The following DOCK3 variants were observed in gnomAD, a reference collection of about 807,000 sequenced individuals.
DOCK3 encodes dedicator of cytokinesis 3.
In DOCK3, 60 loss-of-function variants were observed where a neutral mutation model predicts 265.6. The observed-to-expected ratio is 0.23, with a 90% CI of 0.18 to 0.28. The LOEUF (loss-of-function observed/expected upper bound fraction) is 0.28, where lower values mean the gene tolerates loss of function less well. Among genes scored for constraint, DOCK3 ranks in the 10% least tolerant of loss-of-function variants. DOCK3 has a pLI of 1.00. For synonymous variants in DOCK3, 881 were observed against 938.0 expected (o/e 0.94, Z 1.11); for missense variants, 1,981 against 2,594.3 (o/e 0.76, Z 5.14).
chr3:50,939,206 G>C (rs1402803686), intron 5 of DOCK3, among the ~76,000 whole-genome samples: 1 of 152,062 alleles, frequency 6.6e-6, no homozygotes, highest in African/African-American at 2.4e-5. Context: ...ACCATAAATT[G>C]TCAAAACTCA....
At chr3:50,982,505 T>G (rs13321558) in intron 5 of DOCK3, among the ~76,000 whole-genome samples, 8 of 152,110 alleles carry the variant, frequency 5.3e-5, no homozygotes, top group African/African-American at 1.9e-4. Flanking sequence ...GTGGGACCCC[T>G]GTGCCTCATG....
At chr3:50,746,109 A>ATTT (rs562706919) in intron 1 of DOCK3, among the ~76,000 whole-genome samples, 17 of 135,456 alleles carry the variant, frequency 1.3e-4, no homozygotes, top group Non-Finnish European at 1.7e-4. Context: ...ATGATGTCTA[A>ATTT]TTTTTTTTTT....
chr3:51,317,243 G>A (rs528286433), intron 32 of DOCK3, among the ~76,000 whole-genome samples: 2 of 149,194 alleles, frequency 1.3e-5, no homozygotes, highest in South Asian at 4.2e-4. Context: ...TTGTCTTTCT[G>A]CCTTGGTCAA....
At chr3:50,828,316 A>G (rs916750346) in intron 2 of DOCK3, among the ~76,000 whole-genome samples, 10 of 151,976 alleles carry the variant, frequency 6.6e-5, no homozygotes, top group African/African-American at 2.4e-4. Flanking sequence ...ATTTAACTAC[A>G]TTTGTCCCTC....
At chr3:50,712,494 C>A (rs185571504) in intron 1 of DOCK3, among the ~76,000 whole-genome samples, 1 of 152,118 alleles carries the variant, frequency 6.6e-6, no homozygotes, top group Admixed American at 6.6e-5. Context: ...CCTTCCACCA[C>A]GCCTGGCTAA....
chr3:51,025,917 A>G (rs1044960507), intron 5 of DOCK3, among the ~76,000 whole-genome samples: 2 of 151,354 alleles, frequency 1.3e-5, no homozygotes, highest in Non-Finnish European at 2.9e-5. Context: ...TCAGAGGCAG[A>G]CTCTCCCCTT....
At chr3:51,371,504 G>A (rs1380593059) in intron 49 of DOCK3, among the ~76,000 whole-genome samples, 3 of 152,200 alleles carry the variant, frequency 2.0e-5, no homozygotes, top group Non-Finnish European at 4.4e-5. Flanking sequence ...GGGTCTGTGT[G>A]ACATGGCATC....
intron 2 of DOCK3, among the ~76,000 whole-genome samples, chr3:50,835,386 T>C (rs1298763627): frequency 6.6e-6 from 1 of 152,252 alleles, no homozygotes; most frequent in Non-Finnish European, 1.5e-5. Context: ...AAGTGCTTAT[T>C]ACCTTTAAAC....
At chr3:50,936,023 C>G (rs1208105600) in intron 5 of DOCK3, among the ~76,000 whole-genome samples, 1 of 152,046 alleles carries the variant, frequency 6.6e-6, no homozygotes, top group Non-Finnish European at 1.5e-5. Flanking sequence ...TTTTAAACAG[C>G]TTTTGTAAAA....
At chr3:51,350,001 A>T (rs553212328) in intron 39 of DOCK3, among the ~76,000 whole-genome samples, 3 of 152,274 alleles carry the variant, frequency 2.0e-5, no homozygotes, top group Non-Finnish European at 2.9e-5. Context: ...CCAGATCTCT[A>T]TAGGGCTGAG....
At chr3:51,277,311 T>G (rs2080868523) in intron 25 of DOCK3, among the ~76,000 whole-genome samples, 1 of 152,238 alleles carries the variant, frequency 6.6e-6, no homozygotes, top group African/African-American at 2.4e-5. Context: ...TAACTCAAGA[T>G]CTTTGCTTCT....
chr3:51,233,293 T>A (rs1440330211), intron 19 of DOCK3, among the ~76,000 whole-genome samples: 1 of 152,144 alleles, frequency 6.6e-6, no homozygotes, highest in African/African-American at 2.4e-5. Context: ...TCATTTATTA[T>A]TTCTTTTAGC....
At chr3:50,757,053 A>G (rs188161111) in intron 1 of DOCK3, among the ~76,000 whole-genome samples, 18 of 151,134 alleles carry the variant, frequency 1.2e-4, no homozygotes, top group Admixed American at 9.9e-4. Context: ...GGGTTTTGCC[A>G]TATTGCTCAG....
chr3:51,009,844 C>G (rs1467755748), intron 5 of DOCK3, among the ~76,000 whole-genome samples: 1 of 152,138 alleles, frequency 6.6e-6, no homozygotes, highest in Non-Finnish European at 1.5e-5. Flanking sequence ...TTTCAAAGAA[C>G]ATCTTTATTT....
intron 5 of DOCK3, among the ~76,000 whole-genome samples, chr3:50,949,143 A>G (rs1050056514): frequency 6.6e-6 from 1 of 152,188 alleles, no homozygotes; most frequent in Non-Finnish European, 1.5e-5. Flanking sequence ...AGAAGCACAA[A>G]CTATAAAAGA....
At chr3:50,913,916 C>T (rs1480783477) in intron 4 of DOCK3, among the ~76,000 whole-genome samples, 4 of 151,922 alleles carry the variant, frequency 2.6e-5, no homozygotes, top group Admixed American at 6.6e-5. Context: ...GGGGGTCATC[C>T]GAATTTTAGT....
At chr3:51,080,895 T>C (rs2082211841) in intron 7 of DOCK3, among the ~76,000 whole-genome samples, 1 of 152,030 alleles carries the variant, frequency 6.6e-6, no homozygotes, top group Admixed American at 6.6e-5. Flanking sequence ...TGTTTTTGAA[T>C]GCTTGAATTT....
At chr3:50,841,912 A>G (rs2045862017) in intron 3 of DOCK3, among the ~76,000 whole-genome samples, 197 bp downstream of exon 3, 1 of 151,840 alleles carries the variant, frequency 6.6e-6, no homozygotes, top group Non-Finnish European at 1.5e-5. Context: ...CAGGAAATGC[A>G]AATATCATAG....
At chr3:51,222,851 C>G (rs2090161697) in intron 14 of DOCK3, among the ~76,000 whole-genome samples, 1 of 152,178 alleles carries the variant, frequency 6.6e-6, no homozygotes, top group Non-Finnish European at 1.5e-5. Flanking sequence ...TTAAAATGCT[C>G]TGCCCAGAAA....
Sources: gnomAD v4.1 joint callset for allele counts (sites outside exome capture counted in the v4.1 genomes callset) on GRCh38, gnomAD v4.1.1 for gene constraint, MANE v1.5 for transcripts, NCBI Gene and HGNC (gene_info 2026-07-23, HGNC 2026-07-21) for gene names.